LAMA2: variants seen among roughly 807,000 people sequenced by gnomAD.
LAMA2 encodes laminin subunit alpha 2, also known as laminin subunit alpha-2.
In LAMA2, 269 loss-of-function variants were observed where a neutral mutation model predicts 364.8. That is an observed-to-expected ratio of 0.74 (90% CI 0.67 to 0.82). LAMA2 has a LOEUF of 0.82. Ranked by LOEUF, LAMA2 falls within the 40% of genes least tolerant of loss-of-function variation. The pLI, the probability that LAMA2 is intolerant of heterozygous loss-of-function variation, is 0.00. For missense variants in LAMA2, 3,807 were observed against 3,873.2 expected (o/e 0.98, Z 0.45); for synonymous variants, 1,379 against 1,370.6 (o/e 1.01, Z -0.14).
At chr6:129,337,928 G>C (rs142292534) in intron 29 of LAMA2, among the ~76,000 whole-genome samples, 1 of 151,916 alleles carries the variant, frequency 6.6e-6, no homozygotes, top group East Asian at 1.9e-4. Context: ...ATATGAAAAG[G>C]GTATGTCAAA....
intron 12 of LAMA2, among the ~76,000 whole-genome samples, chr6:129,228,519 T>C (rs1263214737): frequency 6.6e-6 from 1 of 152,218 alleles, no homozygotes; most frequent in Non-Finnish European, 1.5e-5. Flanking sequence ...GAGTTTTATA[T>C]CAATAATTAA....
intron 8 of LAMA2, chr6:129,159,137 T>C: frequency 6.4e-7 from 1 of 1,550,662 alleles, no homozygotes; most frequent in Non-Finnish European, 8.9e-7. Context: ...ATTGTAATGT[T>C]TCCTGTGTAC....
chr6:128,933,658 T>C (rs1038178291), intron 1 of LAMA2, among the ~76,000 whole-genome samples: 1 of 152,334 alleles, frequency 6.6e-6, no homozygotes, highest in East Asian at 1.9e-4. Context: ...TTGATTTGTA[T>C]TTCCCTGATG....
At chr6:128,935,864 A>G (rs1187436604) in intron 1 of LAMA2, among the ~76,000 whole-genome samples, 3 of 152,164 alleles carry the variant, frequency 2.0e-5, no homozygotes, top group African/African-American at 4.8e-5. Flanking sequence ...TGATAAGGTT[A>G]GGCTTTATGT....
Position 129,200,321 on chromosome 6 carries a change from T to C in LAMA2, c.1782+7468T>C, listed in dbSNP as rs1338792081. Reference sequence around the variant, plus strand: ...ATACATGTGTGTATATATATACGTGTACACATATACATATACACGTATATG... The same window carrying C: ...ATACATGTGTGTATATATATACGTGCACACATATACATATACACGTATATG... On this transcript the variant is annotated intron_variant, in intron 12 of 64. Transcript: ENST00000421865. 2.7e-5 allele frequency among the ~76,000 whole-genome samples: 4 copies of C among 147,630 alleles called. No homozygotes were observed. The East Asian group carries it at 6.0e-4, about 22-fold the overall frequency.
chr6:129,317,477 TTGA>T (rs1227620092), intron 27 of LAMA2, among the ~76,000 whole-genome samples: 1 of 152,146 alleles, frequency 6.6e-6, no homozygotes, highest in Non-Finnish European at 1.5e-5. Flanking sequence ...GCTTTTCTGA[TTGA>T]TGTAGAGACT....
At chr6:129,191,103 G>A (rs1197532100) in intron 11 of LAMA2, among the ~76,000 whole-genome samples, 5 of 152,202 alleles carry the variant, frequency 3.3e-5, no homozygotes, top group South Asian at 2.1e-4. Context: ...AAGTCTAGAC[G>A]GGGGAATGAG....
chr6:129,295,049 TTCC>T (rs1773072223), intron 20 of LAMA2, among the ~76,000 whole-genome samples: 1 of 152,340 alleles, frequency 6.6e-6, no homozygotes, highest in African/African-American at 2.4e-5. Flanking sequence ...AGACTATTTT[TTCC>T]TCTGCAGCAG....
chr6:129,453,448 CTTAT>C (rs1333435086), intron 46 of LAMA2, among the ~76,000 whole-genome samples: 7 of 151,276 alleles, frequency 4.6e-5, no homozygotes, highest in East Asian at 1.9e-4. Context: ...TTATTTACTT[CTTAT>C]TTATTTATCT....
intron 1 of LAMA2, among the ~76,000 whole-genome samples, chr6:128,890,694 T>A (rs558071022): frequency 1.8e-3 from 278 of 152,242 alleles, no homozygotes; most frequent in African/African-American, 6.4e-3. Flanking sequence ...CACTAGGCTA[T>A]AAGAAAATAT....
intron 18 of LAMA2, among the ~76,000 whole-genome samples, chr6:129,282,680 A>G (rs1042536782): frequency 4.6e-5 from 7 of 152,136 alleles, no homozygotes; most frequent in African/African-American, 1.7e-4. Context: ...TTTCAGGTCT[A>G]GAAAGTCTCT....
chr6:129,087,077 CT>C (rs1735747531), intron 3 of LAMA2, among the ~76,000 whole-genome samples: 1 of 152,068 alleles, frequency 6.6e-6, no homozygotes, highest in African/African-American at 2.4e-5. Flanking sequence ...CAGGGTGATC[CT>C]TTCATCTCAA....
chr6:128,982,240 C>A lies in LAMA2; in HGVS notation c.113-67678C>A, dbSNP rs9492174. Among the ~76,000 whole-genome samples the A allele has an allele frequency of 7.9e-5, 12 of 152,276 alleles. No individual in the cohort carries two copies. In the East Asian group the frequency reaches 1.7e-3, roughly 22 times the overall value. The stretch of plus-strand genomic sequence containing the variant: ...AAAACTAACCTGCATTTCTATCCTA[C>A]TTTTCTGCCTGTCTTAGAGGCAAAC... On this transcript the variant is annotated intron_variant, in intron 1 of 64. Transcript: ENST00000421865.
intron 35 of LAMA2, among the ~76,000 whole-genome samples, chr6:129,385,092 GAAA>G (rs1423390368): frequency 6.8e-4 from 2 of 2,962 alleles, no homozygotes; most frequent in African/African-American, 2.6e-3. Flanking sequence ...GGGGAGGGAG[GAAA>G]AAGGAAGGAA....
intron 1 of LAMA2, among the ~76,000 whole-genome samples, chr6:128,944,413 C>A (rs923192763): frequency 1.3e-5 from 2 of 152,126 alleles, no homozygotes; most frequent in African/African-American, 2.4e-5. Context: ...AGGTGCCAGA[C>A]TTCAGAGGGA....
At chr6:129,300,682 G>A in intron 21 of LAMA2, 54 bp from the exon 22 acceptor site, 2 of 1,586,846 alleles carry the variant, frequency 1.3e-6, no homozygotes, top group Non-Finnish European at 8.7e-7. Flanking sequence ...AACACTTTGT[G>A]TCAAATTTTT....
intron 8 of LAMA2, chr6:129,158,589 T>C: frequency 6.2e-7 from 1 of 1,614,122 alleles, no homozygotes; most frequent in Non-Finnish European, 8.5e-7. Flanking sequence ...CTTGCAATAA[T>C]GTTTGTAACA....
At chr6:129,358,440 A>G (rs1777277554) in intron 32 of LAMA2, among the ~76,000 whole-genome samples, 1 of 151,930 alleles carries the variant, frequency 6.6e-6, no homozygotes, top group Non-Finnish European at 1.5e-5. Flanking sequence ...TGCAATTTCT[A>G]CTCTGGCAAG....
At chr6:128,991,682 A>G (rs1317535677) in intron 1 of LAMA2, among the ~76,000 whole-genome samples, 1 of 152,210 alleles carries the variant, frequency 6.6e-6, no homozygotes, top group Non-Finnish European at 1.5e-5. Context: ...ATGATTGACT[A>G]TGAAATCTAT....
Sources: allele counts gnomAD v4.1 joint callset (sites outside exome capture counted in the v4.1 genomes callset), GRCh38; gene constraint gnomAD v4.1.1; transcripts MANE v1.5; gene names NCBI Gene and HGNC (gene_info 2026-07-23, HGNC 2026-07-21).